Variants in COMMD10 observed in about 807,000 individuals in gnomAD.
The protein encoded by COMMD10 is COMM domain-containing protein 10.
A neutral mutation model predicts 28.9 loss-of-function variants in COMMD10; 33 were observed. The ratio of observed to expected loss-of-function variants is 1.14; its 90% CI spans 0.87 to 1.53. COMMD10 has a LOEUF of 1.53. COMMD10 is among the 40% of genes most tolerant of loss of function. COMMD10 has a pLI of 0.00. For missense variants in COMMD10, 310 were observed against 233.4 expected (o/e 1.33, Z -2.14); for synonymous variants, 110 against 81.7 (o/e 1.35, Z -1.87).
rs1462283573 is a variant in COMMD10, at chr5:116,287,853, T to C, written c.511-3664T>C. Among the ~76,000 whole-genome samples the C allele has an allele frequency of 4.6e-5, 7 of 151,902 alleles. No homozygotes were observed. In the South Asian group the frequency reaches 1.5e-3, roughly 32 times the overall value. On this transcript the variant is annotated intron_variant, in intron 5 of 6. Coordinates refer to ENST00000274458, the MANE Select transcript of COMMD10 (RefSeq NM_016144.4). ...ATATGAAAACTTTCTCCTTTACTGC[T>C]CCACTTCTCCATTTGTTACTGATGT...
intron 5 of COMMD10, among the ~76,000 whole-genome samples, chr5:116,267,839 G>C (rs1406469361): frequency 6.6e-6 from 1 of 151,868 alleles, no homozygotes; most frequent in East Asian, 1.9e-4. Flanking sequence ...AGAAAAACAA[G>C]CAATGGGGAA....
At chr5:116,136,875 C>A (rs1211238607) in intron 5 of COMMD10, among the ~76,000 whole-genome samples, 1 of 152,094 alleles carries the variant, frequency 6.6e-6, no homozygotes, top group Non-Finnish European at 1.5e-5. Context: ...AGATATTTCT[C>A]TTTCATCTTG....
At chr5:116,253,712 A>C (rs959247124) in intron 5 of COMMD10, among the ~76,000 whole-genome samples, 1 of 149,034 alleles carries the variant, frequency 6.7e-6, no homozygotes, top group Non-Finnish European at 1.5e-5. Flanking sequence ...TATTTTATTG[A>C]GGATTTTTGC....
intron 5 of COMMD10, among the ~76,000 whole-genome samples, chr5:116,187,238 CTTATAA>C (rs1466275905): frequency 2.6e-5 from 4 of 152,090 alleles, no homozygotes; most frequent in East Asian, 3.9e-4. Flanking sequence ...TGTTATGAAA[CTTATAA>C]TTAGGAACTA....
intron 5 of COMMD10, among the ~76,000 whole-genome samples, chr5:116,164,073 T>G (rs1003240238): frequency 1.3e-5 from 2 of 152,144 alleles, no homozygotes; most frequent in Non-Finnish European, 2.9e-5. Flanking sequence ...TCCCAGCATT[T>G]TGGGAAGCTA....
At chr5:116,200,154 C>A (rs540174176) in intron 5 of COMMD10, among the ~76,000 whole-genome samples, 1 of 152,060 alleles carries the variant, frequency 6.6e-6, no homozygotes, top group African/African-American at 2.4e-5. Flanking sequence ...TTAAAATGCA[C>A]AATTAAATTA....
intron 5 of COMMD10, among the ~76,000 whole-genome samples, chr5:116,268,699 A>C (rs11957549): frequency 5.3e-5 from 8 of 151,616 alleles, no homozygotes; most frequent in Admixed American, 3.9e-4. Context: ...AACCAACCCA[A>C]ATGCCCATCA....
At chr5:116,126,767 A>G (rs1021585598) in intron 4 of COMMD10, among the ~76,000 whole-genome samples, 4 of 152,332 alleles carry the variant, frequency 2.6e-5, no homozygotes, top group Admixed American at 2.6e-4. Context: ...CTTATACAAA[A>G]ATTAATTCAA....
Position 116,200,555 on chromosome 5 carries a change from C to T in COMMD10, c.510+66377C>T, listed in dbSNP as rs115704978. Among the ~76,000 whole-genome samples the T allele has an allele frequency of 3.0e-3, 450 of 152,078 alleles. 3 individuals are homozygous for T. Among genetic ancestry groups the T allele is most frequent in the African/African-American group, 0.01 (432 of 41,516 alleles). ...TTCTTCTTCTACAATTTTTATCACA[C>T]ATACGTTATACCTTTTGTAGTTGTG... is the stretch of plus-strand genomic sequence containing the variant. On this transcript the variant is annotated intron_variant, in intron 5 of 6. Coordinates refer to ENST00000274458, the MANE Select transcript of COMMD10 (RefSeq NM_016144.4).
At chr5:116,165,230 C>T (rs987899158) in intron 5 of COMMD10, among the ~76,000 whole-genome samples, 11 of 152,276 alleles carry the variant, frequency 7.2e-5, no homozygotes, top group African/African-American at 2.6e-4. Flanking sequence ...GAAAAGCATA[C>T]CTCAGGCTAT....
intron 5 of COMMD10, among the ~76,000 whole-genome samples, chr5:116,174,235 A>G (rs1253955744): frequency 6.6e-6 from 1 of 152,130 alleles, no homozygotes; most frequent in African/African-American, 2.4e-5. Flanking sequence ...ACCAATTGCA[A>G]AGGCCCTGAG....
chr5:116,097,121 C>G (rs963009625), intron 4 of COMMD10, among the ~76,000 whole-genome samples: 2 of 151,954 alleles, frequency 1.3e-5, no homozygotes, highest in African/African-American at 4.8e-5. Context: ...ATTACAGAAG[C>G]TTCTCTTTAA....
At chr5:116,155,090 CAT>C (rs1752664063) in intron 5 of COMMD10, among the ~76,000 whole-genome samples, 1 of 152,134 alleles carries the variant, frequency 6.6e-6, no homozygotes, top group African/African-American at 2.4e-5. Flanking sequence ...ATCCTGGAAA[CAT>C]ATGAGACCTT....
At chr5:116,108,777 C>G (rs940236030) in intron 4 of COMMD10, among the ~76,000 whole-genome samples, 3 of 152,124 alleles carry the variant, frequency 2.0e-5, no homozygotes, top group African/African-American at 7.2e-5. Flanking sequence ...TGGTGTCTGC[C>G]CAAACGGCCA....
chr5:116,221,656 A>G (rs552165690), intron 5 of COMMD10, among the ~76,000 whole-genome samples: 10 of 152,164 alleles, frequency 6.6e-5, no homozygotes, highest in African/African-American at 2.4e-4. Flanking sequence ...AAGTGTAGAT[A>G]CCTGCATCTC....
At chr5:116,101,417 T>TTTTATTTA (rs1554082675) in intron 4 of COMMD10, among the ~76,000 whole-genome samples, 1 of 151,828 alleles carries the variant, frequency 6.6e-6, no homozygotes, top group Non-Finnish European at 1.5e-5. Context: ...CTTTTTTATT[T>TTTTATTTA]TTTATTTATT....
chr5:116,212,651 A>G (rs1820053), intron 5 of COMMD10, among the ~76,000 whole-genome samples: 2 of 151,876 alleles, frequency 1.3e-5, no homozygotes, highest in African/African-American at 2.4e-5. Flanking sequence ...TGAAATTACT[A>G]TTGACATTTT....
At chr5:116,163,577 A>T (rs1455164959) in intron 5 of COMMD10, among the ~76,000 whole-genome samples, 1 of 152,094 alleles carries the variant, frequency 6.6e-6, no homozygotes, top group African/African-American at 2.4e-5. Flanking sequence ...CAACAATAGC[A>T]ACACTCTGTC....
intron 6 of COMMD10, among the ~76,000 whole-genome samples, chr5:116,291,780 A>T (rs1322117757): frequency 6.6e-6 from 1 of 152,164 alleles, no homozygotes; most frequent in African/African-American, 2.4e-5. Context: ...AAAGGAAAAT[A>T]GTTTTAATTA....
Sources: gnomAD v4.1 joint callset for allele counts (sites outside exome capture counted in the v4.1 genomes callset) on GRCh38, gnomAD v4.1.1 for gene constraint, MANE v1.5 for transcripts, NCBI Gene and HGNC (gene_info 2026-07-23, HGNC 2026-07-21) for gene names.